The following TBC1D8B variants were observed in gnomAD, a reference collection of about 807,000 sequenced individuals.
The protein encoded by TBC1D8B is RP11-321G1.1.
A neutral mutation model predicts 82.9 loss-of-function variants in TBC1D8B; 75 were observed. That is an observed-to-expected ratio of 0.90 (90% CI 0.75 to 1.10). The LOEUF is 1.10. Ranked by LOEUF, TBC1D8B falls within the 50% of genes least tolerant of loss-of-function variation. The pLI is 0.00. For synonymous variants in TBC1D8B, 276 were observed against 276.8 expected, an observed-to-expected ratio of 1.00 and a Z score of 0.03; for missense variants, 794 against 796.9, an observed-to-expected ratio of 1.00 and a Z score of 0.04.
intron 1 of TBC1D8B, chrX:106,815,583 G>A (rs1207883422): frequency 9.0e-6 from 1 of 110,543 alleles, no homozygotes; most frequent in African/African-American, 3.3e-5. Context: ...ATTCTGTGAA[G>A]AAAGTCATTG....
chrX:106,836,273 A>T (rs1183125999), intron 7 of TBC1D8B, among the ~76,000 whole-genome samples: 2 of 111,412 alleles, frequency 1.8e-5, no homozygotes, highest in Non-Finnish European at 1.9e-5. Flanking sequence ...TTGAGAACTC[A>T]CTCACTATCA....
intron 5 of TBC1D8B, among the ~76,000 whole-genome samples, 160 bp downstream of exon 5, chrX:106,823,626 C>G (rs1345026950): frequency 9.1e-6 from 1 of 110,452 alleles, no homozygotes; most frequent in African/African-American, 3.3e-5. Flanking sequence ...TATTCATATG[C>G]ATTACATAAA....
chrX:106,825,114 C>A (rs1180733601), intron 5 of TBC1D8B, among the ~76,000 whole-genome samples: 2 of 110,796 alleles, frequency 1.8e-5, no homozygotes, highest in African/African-American at 3.3e-5. Context: ...CACAAAATTG[C>A]AATTTATTTG....
At chrX:106,865,771 CT>C in intron 15 of TBC1D8B, 21 bp from the exon 16 acceptor site, 1 of 1,153,292 alleles carries the variant, frequency 8.7e-7, no homozygotes, top group Non-Finnish European at 1.2e-6. Context: ...AGTAACTTTC[CT>C]TTTTTATTTA....
intron 13 of TBC1D8B, 71 bp downstream of exon 13, chrX:106,853,721 T>C: frequency 2.0e-6 from 2 of 1,013,664 alleles, no homozygotes; most frequent in Non-Finnish European, 2.7e-6. Context: ...CTATCTCTAA[T>C]GGTATATTAA....
chrX:106,849,387 A>G, intron 11 of TBC1D8B: 1 of 1,092,006 alleles, frequency 9.2e-7, no homozygotes, highest in Non-Finnish European at 1.2e-6. Context: ...AAATTCTCCC[A>G]TCAAGGAGGA....
In TBC1D8B at chrX:106,820,921, C is replaced by G; in HGVS notation, c.286C>G (p.Gln96Glu). 1 of 1,189,556 alleles carries G rather than the reference C, an allele frequency of 8.4e-7. No homozygotes were observed. The highest frequency in any genetic ancestry group is 1.1e-6 in the Non-Finnish European group (1 of 885,290). The change falls in exon 3 of 21, where the codon CAA becomes GAA. Residue 96 changes from glutamine to glutamate, a missense_variant. Coordinates refer to ENST00000357242, the MANE Select transcript of TBC1D8B (RefSeq NM_017752.3). ...AACCAAGCATTGGGATTGGTTGGAA[C>G]AAAATATTATGAAGACCTTATCTGT... ...EITKHWDWLE[Q>E]NIMKTLSVFD...
At chrX:106,826,285 C>A (rs1333707818) in intron 6 of TBC1D8B, 48 bp downstream of exon 6, 2 of 1,034,723 alleles carry the variant, frequency 1.9e-6, no homozygotes, top group Non-Finnish European at 2.7e-6. Context: ...AAAATGTTAT[C>A]CTTCACAGAG....
intron 12 of TBC1D8B, 89 bp from the exon 13 acceptor site, chrX:106,853,432 C>T: frequency 1.0e-6 from 1 of 961,436 alleles, no homozygotes; most frequent in East Asian, 3.1e-5. Flanking sequence ...AAAGTAACCT[C>T]TAACTAACTA....
intron 4 of TBC1D8B, among the ~76,000 whole-genome samples, chrX:106,822,848 A>AAAAT (rs1384466746): frequency 9.1e-6 from 1 of 109,439 alleles, no homozygotes; most frequent in Non-Finnish European, 1.9e-5. Context: ...AAAAAAAAAA[A>AAAAT]AAATTACATT....
intron 1 of TBC1D8B, among the ~76,000 whole-genome samples, chrX:106,808,242 T>C (rs1323167853): frequency 9.0e-6 from 1 of 111,628 alleles, no homozygotes; most frequent in Non-Finnish European, 1.9e-5. Flanking sequence ...AGGCTTAGTT[T>C]CCTCATCTGT....
chrX:106,803,440 G>A (rs1340289027), intron 1 of TBC1D8B, among the ~76,000 whole-genome samples: 1 of 8,287 alleles, frequency 1.2e-4, no homozygotes, highest in Non-Finnish European at 2.5e-4. Flanking sequence ...GGGATGGTGA[G>A]GAGAAAGGGA....
intron 1 of TBC1D8B, 93 bp downstream of exon 1, chrX:106,803,076 C>T: frequency 2.0e-6 from 2 of 1,016,586 alleles, no homozygotes; most frequent in East Asian, 3.4e-5. Flanking sequence ...ACCAGTTTCC[C>T]GATCCTAAAT....
At chrX:106,808,656 T>C (rs1219960461) in intron 1 of TBC1D8B, among the ~76,000 whole-genome samples, 1 of 112,539 alleles carries the variant, frequency 8.9e-6, no homozygotes, top group Non-Finnish European at 1.9e-5. Flanking sequence ...TGATCTGTCA[T>C]CGCCCAAAAC....
chrX:106,838,574 A>G (rs1240470141), intron 7 of TBC1D8B, among the ~76,000 whole-genome samples: 3 of 111,590 alleles, frequency 2.7e-5, no homozygotes, highest in Non-Finnish European at 5.7e-5. Context: ...TCATTCTTCT[A>G]GATCCCCAAG....
At chrX:106,830,750 A>T (rs1306007457) in intron 7 of TBC1D8B, among the ~76,000 whole-genome samples, 8 of 92,848 alleles carry the variant, frequency 8.6e-5, no homozygotes, top group Non-Finnish European at 1.7e-4. Flanking sequence ...AACTATGAGA[A>T]CACATGGACA....
Position 106,839,343 on chromosome X carries a change from T to A in TBC1D8B, c.1239T>A (p.Asp413Glu), listed in dbSNP as rs1932248111. 8.4e-7 allele frequency: 1 copy of A among 1,186,031 alleles called. No homozygotes were observed. Among genetic ancestry groups the A allele is most frequent in the African/African-American group, 1.8e-5 (1 of 56,571 alleles). The change falls in exon 8 of 21, where the codon GAT (aspartate) becomes GAA (glutamate). Residue 413 changes from aspartate to glutamate, a missense_variant. By Grantham distance (45) the Asp-to-Glu change is conservative (BLOSUM62 2). Coordinates refer to ENST00000357242, the MANE Select transcript of TBC1D8B (RefSeq NM_017752.3). ...AISSESTEPSDNFEVQSLTSQ... is the reference protein window; with the variant it reads ...AISSESTEPSENFEVQSLTSQ... ...GTTCTGAGTCTACAGAGCCATCTGATAATTTTGAGGTGCAATCTTTGACAA... is the reference window on the plus strand; with the variant it reads ...GTTCTGAGTCTACAGAGCCATCTGAAAATTTTGAGGTGCAATCTTTGACAA...
chrX:106,858,156 C>G (rs1397959899), intron 14 of TBC1D8B, among the ~76,000 whole-genome samples: 1 of 112,230 alleles, frequency 8.9e-6, no homozygotes, highest in Non-Finnish European at 1.9e-5. Flanking sequence ...TTGCATTTCT[C>G]TAATATTTAG....
chrX:106,849,288 T>C, intron 11 of TBC1D8B: 1 of 1,137,516 alleles, frequency 8.8e-7, no homozygotes. Context: ...AAGGACAATG[T>C]GTTATTGGGG....
Sources: gnomAD v4.1 joint callset for allele counts (sites outside exome capture counted in the v4.1 genomes callset) on GRCh38, gnomAD v4.1.1 for gene constraint, MANE v1.5 for transcripts, NCBI Gene and HGNC (gene_info 2026-07-23, HGNC 2026-07-21) for gene names.